Variants in COG5 observed in about 807,000 individuals in gnomAD.
COG5 encodes conserved oligomeric Golgi complex subunit 5.
In COG5, 86 loss-of-function variants were observed where a neutral mutation model predicts 110.4. The ratio of observed to expected loss-of-function variants is 0.78; its 90% CI spans 0.65 to 0.93. COG5 has a LOEUF of 0.93. COG5 is among the 40% of genes least tolerant of loss of function. The pLI, the probability that COG5 is intolerant of heterozygous loss-of-function variation, is 0.00. For synonymous variants in COG5, 360 were observed against 334.6 expected, an observed-to-expected ratio of 1.08 and a Z score of -0.83; for missense variants, 1,077 against 987.0, an observed-to-expected ratio of 1.09 and a Z score of -1.22.
At chr7:107,322,198 T>A (rs981615870) in intron 11 of COG5, among the ~76,000 whole-genome samples, 6 of 152,216 alleles carry the variant, frequency 3.9e-5, no homozygotes, top group African/African-American at 1.2e-4. Context: ...GGTTAGGAAG[T>A]GGATTCTCTC....
At chr7:107,388,005 T>TA (rs1224978059) in intron 7 of COG5, among the ~76,000 whole-genome samples, 1 of 152,196 alleles carries the variant, frequency 6.6e-6, no homozygotes, top group Non-Finnish European at 1.5e-5. Flanking sequence ...TGGCTTATGG[T>TA]AATAATCAAG....
chr7:107,390,573 T>C (rs1790548557), intron 7 of COG5, among the ~76,000 whole-genome samples: 1 of 151,942 alleles, frequency 6.6e-6, no homozygotes, highest in Non-Finnish European at 1.5e-5. Context: ...TAACAGCAGA[T>C]GTAAAGCAAC....
chr7:107,547,979 T>C (rs560024648), intron 5 of COG5, 132 bp downstream of exon 5: 3 of 749,884 alleles, frequency 4.0e-6, no homozygotes, highest in South Asian at 3.5e-5. Flanking sequence ...GGCTTTTTAG[T>C]ATTTTTTTCT....
chr7:107,434,842 T>C (rs929186631), intron 6 of COG5, among the ~76,000 whole-genome samples: 2 of 151,916 alleles, frequency 1.3e-5, no homozygotes, highest in African/African-American at 2.4e-5. Flanking sequence ...TGGTGGCAAA[T>C]GCCTGTAGTC....
intron 6 of COG5, among the ~76,000 whole-genome samples, chr7:107,526,176 G>A (rs1352751247): frequency 1.3e-5 from 2 of 152,308 alleles, no homozygotes; most frequent in Non-Finnish European, 1.5e-5. Context: ...ACAATAGCAA[G>A]AGTAAGCAGA....
intron 14 of COG5, among the ~76,000 whole-genome samples, chr7:107,275,974 T>C (rs1338990588): frequency 6.6e-6 from 1 of 152,198 alleles, no homozygotes; most frequent in Admixed American, 6.5e-5. Context: ...AAAGTGTATA[T>C]TTACAAAGCC....
At chr7:107,305,755 A>G (rs1255362876) in intron 11 of COG5, among the ~76,000 whole-genome samples, 1 of 151,934 alleles carries the variant, frequency 6.6e-6, no homozygotes, top group African/African-American at 2.4e-5. Context: ...GTTAGCTGGA[A>G]GCTGACCTTG....
intron 14 of COG5, among the ~76,000 whole-genome samples, chr7:107,270,171 T>C (rs1208816821): frequency 2.6e-5 from 4 of 152,050 alleles, no homozygotes. Flanking sequence ...ATCTTGCATA[T>C]GGTAAAAATT....
chr7:107,518,077 G>A (rs1800065538), intron 6 of COG5, among the ~76,000 whole-genome samples: 1 of 151,980 alleles, frequency 6.6e-6, no homozygotes, highest in Non-Finnish European at 1.5e-5. Context: ...GCAGAAATAA[G>A]AAAGGAAATC....
intron 10 of COG5, among the ~76,000 whole-genome samples, chr7:107,332,005 C>T (rs764680040): frequency 1.9e-4 from 29 of 152,012 alleles, no homozygotes; most frequent in South Asian, 2.1e-4. Context: ...CCTGCTACCA[C>T]GCCCAGATAA....
intron 7 of COG5, among the ~76,000 whole-genome samples, chr7:107,401,426 A>T (rs1000733670): frequency 6.6e-6 from 1 of 152,192 alleles, no homozygotes; most frequent in Non-Finnish European, 1.5e-5. Flanking sequence ...TTATTTATAC[A>T]TGTCATAAAG....
At chr7:107,388,955 T>C (rs1427712474) in intron 7 of COG5, among the ~76,000 whole-genome samples, 1 of 152,164 alleles carries the variant, frequency 6.6e-6, no homozygotes, top group Non-Finnish European at 1.5e-5. Flanking sequence ...CTCAGAAGGC[T>C]GAAACGAATT....
At chr7:107,308,795 A>G (rs1584656437) in intron 11 of COG5, among the ~76,000 whole-genome samples, 2 of 151,444 alleles carry the variant, frequency 1.3e-5, no homozygotes, top group South Asian at 4.3e-4. Flanking sequence ...TGGTGGATTT[A>G]GACAATCCCT....
In COG5 at chr7:107,413,543, A is replaced by C. The variant is rs530705507; in HGVS notation, c.539-911T>G. 5.4e-3 allele frequency among the ~76,000 whole-genome samples: 827 copies of C among 151,786 alleles called. 9 individuals are homozygous for C. The highest frequency in any genetic ancestry group is 0.019 in the African/African-American group (798 of 41,330). On this transcript the variant is annotated intron_variant, in intron 6 of 21. Coordinates refer to ENST00000297135, the MANE Select transcript of COG5 (RefSeq NM_006348.5). Reference sequence around the variant, plus strand: ...CAACAGAGGGAAAAAAACACAACAAAAAAAAAAAACCAGGAAAAAAATGTA... The same window carrying C: ...CAACAGAGGGAAAAAAACACAACAACAAAAAAAAACCAGGAAAAAAATGTA...
At chr7:107,495,700 A>C (rs1798230096) in intron 6 of COG5, among the ~76,000 whole-genome samples, 1 of 152,168 alleles carries the variant, frequency 6.6e-6, no homozygotes, top group African/African-American at 2.4e-5. Flanking sequence ...AGACTGTGGT[A>C]ATTAAAGATG....
intron 1 of COG5, among the ~76,000 whole-genome samples, chr7:107,561,401 G>C (rs747209963): frequency 1.3e-5 from 2 of 152,138 alleles, no homozygotes; most frequent in Non-Finnish European, 2.9e-5. Flanking sequence ...AGAACAAACT[G>C]AACTGACAAG....
chr7:107,562,000 G>T (rs1027423157), intron 1 of COG5, among the ~76,000 whole-genome samples: 6 of 151,796 alleles, frequency 4.0e-5, no homozygotes, highest in African/African-American at 7.3e-5. Context: ...AAGAAAGAAA[G>T]AAAGGAGCAG....
chr7:107,342,075 G>C (rs1811209363), intron 10 of COG5, among the ~76,000 whole-genome samples: 1 of 152,064 alleles, frequency 6.6e-6, no homozygotes, highest in Non-Finnish European at 1.5e-5. Context: ...GCTATCAAAA[G>C]AGTAAACCAA....
chr7:107,315,162 T>C (rs1366897843), intron 11 of COG5, among the ~76,000 whole-genome samples: 1 of 151,574 alleles, frequency 6.6e-6, no homozygotes, highest in Non-Finnish European at 1.5e-5. Context: ...TCTAATCTTT[T>C]TTTTTTTTTT....
Sources: gnomAD v4.1 joint callset for allele counts (sites outside exome capture counted in the v4.1 genomes callset) on GRCh38, gnomAD v4.1.1 for gene constraint, MANE v1.5 for transcripts, NCBI Gene and HGNC (gene_info 2026-07-23, HGNC 2026-07-21) for gene names.